Variants in ZMIZ1 observed in about 807,000 individuals in gnomAD.
ZMIZ1 encodes the protein zinc finger MIZ domain-containing protein 1.
A neutral mutation model predicts 113.9 loss-of-function variants in ZMIZ1; 17 were observed. That is an observed-to-expected ratio of 0.15 (90% CI 0.10 to 0.22). The LOEUF (loss-of-function observed/expected upper bound fraction) is 0.22. Among genes scored for constraint, ZMIZ1 ranks in the 10% least tolerant of loss-of-function variants. The pLI is 1.00. For missense variants in ZMIZ1, 1,059 were observed against 1,477.8 expected (o/e 0.72, Z 4.65); for synonymous variants, 607 against 603.1 (o/e 1.01, Z -0.09).
Position 79,162,320 on chromosome 10 carries a change from A to G in ZMIZ1, c.-50+187A>G, listed in dbSNP as rs367601983. On this transcript the variant is annotated intron_variant, in intron 4 of 24. Coordinates refer to ENST00000334512, the MANE Select transcript of ZMIZ1 (RefSeq NM_020338.4). ...CCAATGGGCTGTCCCTCTACCTGGC[A>G]CCCAGGGACCTCTTGGCCTGGCCTT... Among the ~76,000 whole-genome samples, 36 of 152,252 alleles carry G rather than the reference A, an allele frequency of 2.4e-4. No homozygotes were observed. In the East Asian group the frequency reaches 6.4e-3, roughly 27 times the overall value.
chr10:79,307,497 C>T lies in ZMIZ1; in HGVS notation c.2761C>T (p.Leu921Phe). 1 of 1,583,352 alleles carries T rather than the reference C, an allele frequency of 6.3e-7. No individual in the cohort carries two copies. The highest frequency in any genetic ancestry group is 8.7e-7 in the Non-Finnish European group (1 of 1,153,982). ...TGACTTCATGCACGGGCCCCCCCAG[C>T]TCTCCCACCCCCCGGACATGCCCAA... ...MNDFMHGPPQ[L>F]SHPPDMPNNM... Residue 921 changes from leucine (L) to phenylalanine (F), a missense_variant, in exon 23 of 25, where the codon CTC becomes TTC. Leu to Phe is a conservative substitution (Grantham distance 22). Coordinates refer to ENST00000334512, the MANE Select transcript of ZMIZ1 (RefSeq NM_020338.4).
chr10:79,142,415 G>C (rs1428595462), intron 3 of ZMIZ1, among the ~76,000 whole-genome samples: 1 of 152,136 alleles, frequency 6.6e-6, no homozygotes, highest in Non-Finnish European at 1.5e-5. Context: ...CCGTTTAGGG[G>C]AGTGAGTGGA....
chr10:79,154,653 A>G (rs1021725525), intron 3 of ZMIZ1, among the ~76,000 whole-genome samples: 1 of 152,166 alleles, frequency 6.6e-6, no homozygotes, highest in Admixed American at 6.5e-5. Context: ...TGTGGAAGGG[A>G]GTACCTGGCA....
rs1320100684 is a variant in ZMIZ1, at chr10:79,312,964, G to A, written c.*215G>A. ...AAGGCTGTGTGGGTCTGGAGCCCAC[G>A]TCCCACCTCCACACCCTTGGCTTGG... On this transcript the variant is annotated 3_prime_UTR_variant, in exon 25 of 25. Coordinates refer to ENST00000334512, the MANE Select transcript of ZMIZ1 (RefSeq NM_020338.4). The A allele has an allele frequency of 1.9e-5, 11 of 573,282 alleles. No individual in the cohort carries two copies. The highest frequency in any genetic ancestry group is 4.1e-5 in the South Asian group (2 of 49,148). 35.5% of individuals were successfully genotyped at this position (573,282 alleles called of 1,614,324 possible).
chr10:79,309,417 G>A (rs1256241470), intron 23 of ZMIZ1, among the ~76,000 whole-genome samples: 1 of 152,222 alleles, frequency 6.6e-6, no homozygotes, highest in Non-Finnish European at 1.5e-5. Context: ...AGGAGTGGGA[G>A]CCCTAAGCTG....
intron 7 of ZMIZ1, among the ~76,000 whole-genome samples, chr10:79,235,724 G>C (rs893930843): frequency 1.3e-5 from 2 of 152,220 alleles, no homozygotes; most frequent in African/African-American, 4.8e-5. Flanking sequence ...GGGTAGGATG[G>C]ACCCATCCCA....
In ZMIZ1 at chr10:79,277,186, T is replaced by G; in HGVS notation, c.286T>G (p.Leu96Val). 1 of 1,545,656 alleles carries G rather than the reference T, an allele frequency of 6.5e-7. No homozygotes were observed. Residue 96 changes from leucine (L) to valine (V), a missense_variant, in exon 8 of 25, where the codon TTG (leucine) becomes GTG (valine). Around this residue, in one of 6 missense-constraint regions of ZMIZ1, gnomAD observed 272 missense variants for 350.4 expected, o/e 0.78. Coordinates refer to ENST00000334512, the MANE Select transcript of ZMIZ1 (RefSeq NM_020338.4). ...DKFTPKSAALLSSWCEELGRL... is the reference protein window; with the variant it reads ...DKFTPKSAALVSSWCEELGRL... ...CTGTCCTGTCCTTCCTGCAGCCTTGTTGTCCTCCTGGTGCGAAGAGCTCGG... is the reference window on the plus strand; with the variant it reads ...CTGTCCTGTCCTTCCTGCAGCCTTGGTGTCCTCCTGGTGCGAAGAGCTCGG...
intron 1 of ZMIZ1, among the ~76,000 whole-genome samples, chr10:79,085,728 G>A (rs1842790603): frequency 6.6e-6 from 1 of 152,176 alleles, no homozygotes; most frequent in Admixed American, 6.5e-5. Flanking sequence ...TTTTCAGGAA[G>A]CAAAAGCCCA....
chr10:79,279,130 C>T (rs979453022), intron 8 of ZMIZ1, among the ~76,000 whole-genome samples: 3 of 149,696 alleles, frequency 2.0e-5, no homozygotes, highest in South Asian at 2.1e-4. Context: ...CCGGACGGGG[C>T]GGCTGGCCGG....
chr10:79,214,129 G>A (rs1301897674), intron 6 of ZMIZ1, among the ~76,000 whole-genome samples: 1 of 152,188 alleles, frequency 6.6e-6, no homozygotes, highest in Non-Finnish European at 1.5e-5. Context: ...CTCTGGAGGA[G>A]AGTCTGCCTG....
chr10:79,172,925 C>A (rs1457474121), intron 4 of ZMIZ1, among the ~76,000 whole-genome samples: 1 of 152,206 alleles, frequency 6.6e-6, no homozygotes, highest in African/African-American at 2.4e-5. Context: ...TGGTGCCCAG[C>A]AGTTTGATAA....
At chr10:79,181,319 C>T (rs1847114514) in intron 4 of ZMIZ1, among the ~76,000 whole-genome samples, 1 of 152,236 alleles carries the variant, frequency 6.6e-6, no homozygotes, top group Admixed American at 6.5e-5. Flanking sequence ...AAACGGGCTG[C>T]CTGCTTCTGA....
At chr10:79,260,418 A>G (rs1851199726) in intron 7 of ZMIZ1, among the ~76,000 whole-genome samples, 1 of 152,096 alleles carries the variant, frequency 6.6e-6, no homozygotes, top group South Asian at 2.1e-4. Flanking sequence ...AGGTCAGGGA[A>G]ACTCTGGCTG....
At chr10:79,298,650 G>A (rs559517995) in intron 15 of ZMIZ1, 70 bp downstream of exon 15, 56 of 1,408,756 alleles carry the variant, frequency 4.0e-5, no homozygotes, top group African/African-American at 3.4e-4. Context: ...CAGGGGCTTC[G>A]CAGTCAGGCT....
intron 8 of ZMIZ1, among the ~76,000 whole-genome samples, chr10:79,289,498 C>G (rs1185625996): frequency 6.6e-6 from 1 of 152,174 alleles, no homozygotes; most frequent in Non-Finnish European, 1.5e-5. Context: ...AGTTGCATGA[C>G]CTGTGGACTC....
intron 7 of ZMIZ1, among the ~76,000 whole-genome samples, chr10:79,250,447 G>C (rs1026964380): frequency 1.0e-4 from 16 of 152,384 alleles, no homozygotes; most frequent in African/African-American, 3.8e-4. Flanking sequence ...GTCCCAGAGA[G>C]AAGCTGCCTG....
chr10:79,194,609 A>G (rs555877389), intron 4 of ZMIZ1, among the ~76,000 whole-genome samples: 2 of 152,262 alleles, frequency 1.3e-5, no homozygotes, highest in African/African-American at 4.8e-5. Flanking sequence ...GGCAGCCCAG[A>G]GATATCCAGG....
intron 8 of ZMIZ1, among the ~76,000 whole-genome samples, chr10:79,288,198 G>T (rs1349153932): frequency 1.3e-5 from 2 of 152,250 alleles, no homozygotes; most frequent in African/African-American, 4.8e-5. Context: ...GCTCAGCCGG[G>T]CAAGGCACAG....
intron 2 of ZMIZ1, among the ~76,000 whole-genome samples, chr10:79,137,118 G>T (rs1275123272): frequency 6.6e-6 from 1 of 152,138 alleles, no homozygotes; most frequent in Non-Finnish European, 1.5e-5. Flanking sequence ...TAAGCCTCAG[G>T]CCCTGCAACC....
Sources: gnomAD v4.1 joint callset for allele counts (sites outside exome capture counted in the v4.1 genomes callset) on GRCh38, gnomAD v4.1.1 for gene constraint, gnomAD v4.1.1 regional missense constraint, MANE v1.5 for transcripts, NCBI Gene and HGNC (gene_info 2026-07-23, HGNC 2026-07-21) for gene names.